Variants in FSTL4 observed in about 807,000 individuals in gnomAD.
FSTL4 encodes follistatin like 4, also known as follistatin-related protein 4.
Under a neutral mutation model 78.2 loss-of-function variants are expected in FSTL4, and 28 were observed. The observed-to-expected ratio is 0.36, with a 90% CI of 0.27 to 0.49. FSTL4 has a LOEUF of 0.49. Ranked by LOEUF, FSTL4 falls within the 20% of genes least tolerant of loss-of-function variation. FSTL4 has a pLI of 0.98. For synonymous variants in FSTL4, 422 were observed against 440.5 expected (o/e 0.96, Z 0.53); for missense variants, 922 against 1,084.9 (o/e 0.85, Z 2.11).
chr5:133,813,637 C>T, the FSTL4 span, among the ~76,000 whole-genome samples: 1 of 152,242 alleles, frequency 6.6e-6, no homozygotes, highest in Non-Finnish European at 1.5e-5. Context: ...AAAGGCTGCA[C>T]TGATTTTTCT....
chr5:133,779,060 T>C, the FSTL4 span, among the ~76,000 whole-genome samples: 4 of 152,204 alleles, frequency 2.6e-5, no homozygotes, highest in African/African-American at 2.4e-5. Flanking sequence ...CAGTGGCCCA[T>C]AGTACCCATC....
chr5:133,334,274 G>A (rs1273246343), intron 4 of FSTL4, among the ~76,000 whole-genome samples: 1 of 152,184 alleles, frequency 6.6e-6, no homozygotes, highest in African/African-American at 2.4e-5. Context: ...CACGCTCACT[G>A]GGTCGTTCTC....
intron 2 of FSTL4, among the ~76,000 whole-genome samples, chr5:133,592,355 T>C (rs1475663935): frequency 6.6e-6 from 1 of 152,238 alleles, no homozygotes; most frequent in Admixed American, 6.5e-5. Flanking sequence ...GAATTTCTTG[T>C]ACAGTGCAGT....
At chr5:133,273,214 C>T (rs886160843) in intron 6 of FSTL4, among the ~76,000 whole-genome samples, 2 of 152,194 alleles carry the variant, frequency 1.3e-5, no homozygotes, top group African/African-American at 2.4e-5. Flanking sequence ...AAAGAAGAAA[C>T]AGCTGATAGT....
rs139620332 is a variant in FSTL4 at position 133,202,872 on chromosome 5, G to A, written c.1717-830C>T. 2.6e-5 allele frequency: 4 copies of A among 152,464 alleles called. No individual in the cohort carries two copies. The East Asian group carries it at 7.7e-4, about 29-fold the overall frequency. 9.4% of individuals were successfully genotyped at this position (152,464 alleles called of 1,614,324 possible). On this transcript the variant is annotated intron_variant, in intron 14 of 15. Coordinates refer to ENST00000265342, the MANE Select transcript of FSTL4 (RefSeq NM_015082.2). ...GGCAGGAGACAAGAGCCTTTCCCTG[G>A]TGTGTGTCCCAGCTGCACTCATGTC...
chr5:133,336,906 G>A (rs1754475447), intron 4 of FSTL4, among the ~76,000 whole-genome samples: 1 of 152,210 alleles, frequency 6.6e-6, no homozygotes, highest in Non-Finnish European at 1.5e-5. Flanking sequence ...GGCAGGGGCT[G>A]TGTCCACCCC....
chr5:133,796,837 G>A, the FSTL4 span, among the ~76,000 whole-genome samples: 356 of 152,182 alleles, frequency 2.3e-3, 1 homozygote, highest in Middle Eastern at 6.8e-3. Context: ...AGGCTTGAAG[G>A]TGAGGCCTTT....
intron 3 of FSTL4, among the ~76,000 whole-genome samples, chr5:133,413,332 T>G (rs138952735): frequency 1.3e-5 from 2 of 152,164 alleles, no homozygotes; most frequent in African/African-American, 4.8e-5. Flanking sequence ...GTGTAATTAC[T>G]CTTATGTTCG....
chr5:133,213,292 C>T (rs57148817), intron 13 of FSTL4, among the ~76,000 whole-genome samples: 4,744 of 151,390 alleles, frequency 0.031, 243 homozygotes, highest in African/African-American at 0.11. Context: ...CATGAGCCAC[C>T]GTGCCTGGCC....
chr5:133,842,045 C>G, the FSTL4 span, among the ~76,000 whole-genome samples: 2 of 152,228 alleles, frequency 1.3e-5, no homozygotes, highest in African/African-American at 4.8e-5. Flanking sequence ...CACCTTCCTT[C>G]CCTCCTCTAA....
chr5:133,687,704 A>G, the FSTL4 span, among the ~76,000 whole-genome samples: 7 of 152,202 alleles, frequency 4.6e-5, no homozygotes, highest in Non-Finnish European at 8.8e-5. Context: ...TCAACTTTCA[A>G]ATTAAGAATT....
chr5:133,337,536 T>C (rs1754492050), intron 4 of FSTL4, among the ~76,000 whole-genome samples: 1 of 152,202 alleles, frequency 6.6e-6, no homozygotes, highest in Non-Finnish European at 1.5e-5. Flanking sequence ...AGCTTTTAAA[T>C]GACTTCCTAG....
chr5:133,410,832 AC>A (rs1359587214), intron 3 of FSTL4, among the ~76,000 whole-genome samples: 1 of 152,214 alleles, frequency 6.6e-6, no homozygotes, highest in African/African-American at 2.4e-5. Context: ...TTGTCTCTCA[AC>A]GGGATTATCA....
At chr5:133,682,140 C>T in the FSTL4 span, among the ~76,000 whole-genome samples, 1 of 152,198 alleles carries the variant, frequency 6.6e-6, no homozygotes, top group Admixed American at 6.5e-5. Context: ...ATAGCCCCAC[C>T]CACAGTCTCT....
intron 3 of FSTL4, among the ~76,000 whole-genome samples, chr5:133,506,937 C>T (rs570629880): frequency 9.1e-4 from 138 of 152,312 alleles, no homozygotes; most frequent in African/African-American, 3.2e-3. Context: ...ATAGGCCAGG[C>T]GCGGTGGCTC....
chr5:133,812,091 T>C, the FSTL4 span, among the ~76,000 whole-genome samples: 1 of 152,200 alleles, frequency 6.6e-6, no homozygotes, highest in Non-Finnish European at 1.5e-5. Context: ...TATGCCTCTC[T>C]TTCCCTCATA....
chr5:133,267,086 C>T (rs181980332), intron 6 of FSTL4, among the ~76,000 whole-genome samples: 1 of 152,338 alleles, frequency 6.6e-6, no homozygotes, highest in Admixed American at 6.5e-5. Context: ...AATCCCATGT[C>T]TCAGGACCAC....
At chr5:133,542,855 T>C (rs1759504375) in intron 3 of FSTL4, among the ~76,000 whole-genome samples, 1 of 152,138 alleles carries the variant, frequency 6.6e-6, no homozygotes, top group Non-Finnish European at 1.5e-5. Context: ...ACTCTTGACA[T>C]AGTTTTGTTA....
At chr5:133,563,064 A>C (rs1759954179) in intron 3 of FSTL4, among the ~76,000 whole-genome samples, 2 of 152,178 alleles carry the variant, frequency 1.3e-5, no homozygotes, top group Non-Finnish European at 2.9e-5. Flanking sequence ...AGAGAGATGC[A>C]GCCATCACTC....
Sources: gnomAD v4.1 joint callset for allele counts (sites outside exome capture counted in the v4.1 genomes callset) on GRCh38, gnomAD v4.1.1 for gene constraint, MANE v1.5 for transcripts, NCBI Gene and HGNC (gene_info 2026-07-23, HGNC 2026-07-21) for gene names.